FRMD4A: variants seen among roughly 807,000 people sequenced by gnomAD.
FRMD4A encodes FERM domain containing 4A.
Under a neutral mutation model 129.1 loss-of-function variants are expected in FRMD4A, and 29 were observed. The observed-to-expected ratio is 0.22, with a 90% CI of 0.17 to 0.31. FRMD4A has a LOEUF of 0.31. Ranked by LOEUF, FRMD4A falls within the 10% of genes least tolerant of loss-of-function variation. The pLI, the probability that FRMD4A is intolerant of heterozygous loss-of-function variation, is 1.00. For synonymous variants in FRMD4A, 634 were observed against 571.6 expected, an observed-to-expected ratio of 1.11 and a Z score of -1.56; for missense variants, 1,272 against 1,375.8, an observed-to-expected ratio of 0.92 and a Z score of 1.19.
chr10:13,900,651 C>G (rs1277482380), intron 2 of FRMD4A, among the ~76,000 whole-genome samples: 1 of 152,096 alleles, frequency 6.6e-6, no homozygotes, highest in East Asian at 1.9e-4. Flanking sequence ...AATCCCGGGA[C>G]TTTGGGAGGT....
In FRMD4A at chr10:13,894,222, G is replaced by T. The variant is rs186053199; in HGVS notation, c.46-35310C>A. On this transcript the variant is annotated intron_variant, in intron 2 of 24. Transcript: ENST00000357447. Reference sequence around the variant, plus strand: ...ATGTCTCCAGCAGCCCTGTGAATGGGTGCTGATCTTATCTCTCTCAGATGC... The same window carrying T: ...ATGTCTCCAGCAGCCCTGTGAATGGTTGCTGATCTTATCTCTCTCAGATGC... Among the ~76,000 whole-genome samples the T allele has an allele frequency of 3.9e-4, 59 of 152,256 alleles. 1 individual carries two copies. Among genetic ancestry groups the T allele is most frequent in the Admixed American group, 3.6e-3 (55 of 15,290 alleles).
chr10:14,150,690 C>A (rs1031856861), intron 2 of FRMD4A, among the ~76,000 whole-genome samples: 1 of 152,088 alleles, frequency 6.6e-6, no homozygotes, highest in African/African-American at 2.4e-5. Context: ...CATATTTCTC[C>A]CTTCTCTCAC....
At chr10:14,174,558 A>ATTCG (rs761289686) in intron 2 of FRMD4A, among the ~76,000 whole-genome samples, 1 of 151,536 alleles carries the variant, frequency 6.6e-6, no homozygotes, top group Non-Finnish European at 1.5e-5. Flanking sequence ...TCATTCATTC[A>ATTCG]TTCATTCGTT....
intron 2 of FRMD4A, among the ~76,000 whole-genome samples, chr10:14,239,433 C>G (rs1843952463): frequency 6.6e-6 from 1 of 152,150 alleles, no homozygotes; most frequent in African/African-American, 2.4e-5. Context: ...CAAGACCATC[C>G]TGGCTAACAT....
At chr10:14,098,471 T>C (rs962166573) in intron 2 of FRMD4A, among the ~76,000 whole-genome samples, 1 of 152,212 alleles carries the variant, frequency 6.6e-6, no homozygotes, top group East Asian at 1.9e-4. Context: ...TGGCACGATC[T>C]TGGCTCACTG....
Position 14,330,598 on chromosome 10 carries a change from G to C in FRMD4A, c.-83C>G, listed in dbSNP as rs971142459. The C allele has an allele frequency of 2.5e-6, 1 of 399,988 alleles. No homozygotes were observed. The highest frequency in any genetic ancestry group is 4.3e-5 in the Admixed American group (1 of 23,472). 24.8% of individuals were successfully genotyped at this position (399,988 alleles called of 1,614,324 possible). ...AACATGCTGAATGTCACAACATACCGCTCGCAATCTGGTCAGTGTCTTCTT... is the reference window on the plus strand; with the variant it reads ...AACATGCTGAATGTCACAACATACCCCTCGCAATCTGGTCAGTGTCTTCTT... On this transcript the variant is annotated splice_region_variant and 5_prime_UTR_variant, in exon 1 of 25. Transcript: ENST00000357447.
intron 2 of FRMD4A, among the ~76,000 whole-genome samples, chr10:14,054,942 A>C (rs147015015): frequency 6.6e-6 from 1 of 152,318 alleles, no homozygotes; most frequent in South Asian, 2.1e-4. Context: ...TTCCAGCCAC[A>C]TGGAACTGTG....
At chr10:14,199,282 T>TTTTA (rs3034001) in intron 2 of FRMD4A, among the ~76,000 whole-genome samples, 1,681 of 131,012 alleles carry the variant, frequency 0.013, 22 homozygotes, top group African/African-American at 0.035. Context: ...AAGTGTCTTA[T>TTTTA]TTTATTTATT....
chr10:13,712,772 T>G lies in FRMD4A; in HGVS notation c.760-5659A>C, dbSNP rs541482625. Among the ~76,000 whole-genome samples the G allele has an allele frequency of 7.9e-5, 12 of 152,350 alleles. No individual in the cohort carries two copies. In the South Asian group the frequency reaches 2.3e-3, roughly 29 times the overall value. ...TATGAAAACAGGAGGTGGGAAACAC[T>G]TATCCACGGAGTGCAAACAAAAGTG... On this transcript the variant is annotated intron_variant, in intron 12 of 24. Coordinates refer to ENST00000357447, the MANE Select transcript of FRMD4A (RefSeq NM_018027.5).
At chr10:13,769,566 TC>T (rs549179612) in intron 6 of FRMD4A, among the ~76,000 whole-genome samples, 92 of 152,224 alleles carry the variant, frequency 6.0e-4, no homozygotes, top group African/African-American at 2.1e-3. Flanking sequence ...CACCTCGGCC[TC>T]CCAAAGTGCT....
intron 2 of FRMD4A, among the ~76,000 whole-genome samples, chr10:14,023,862 T>G (rs1234279709): frequency 6.6e-6 from 1 of 152,108 alleles, no homozygotes; most frequent in Admixed American, 6.5e-5. Context: ...ACTGAATGCC[T>G]CTCCAAGTAG....
intron 15 of FRMD4A, among the ~76,000 whole-genome samples, chr10:13,680,681 G>A (rs1256184931): frequency 2.0e-5 from 3 of 151,986 alleles, no homozygotes; most frequent in Non-Finnish European, 4.4e-5. Flanking sequence ...AGCTGAGATG[G>A]CGCCACTGCA....
At chr10:13,656,302 T>C (rs918116600) in intron 22 of FRMD4A, among the ~76,000 whole-genome samples, 3 of 152,248 alleles carry the variant, frequency 2.0e-5, no homozygotes, top group Non-Finnish European at 4.4e-5. Flanking sequence ...ACACCTTTGG[T>C]TGGATAAACC....
intron 2 of FRMD4A, among the ~76,000 whole-genome samples, chr10:14,202,140 G>GA (rs67184304): frequency 0.097 from 14,232 of 147,302 alleles, 1,435 homozygotes; most frequent in African/African-American, 0.25. Flanking sequence ...TCCGTCTCAA[G>GA]AAAAAAAAAA....
At chr10:14,279,275 G>A (rs965181533) in intron 2 of FRMD4A, among the ~76,000 whole-genome samples, 5 of 140,790 alleles carry the variant, frequency 3.6e-5, no homozygotes, top group African/African-American at 1.1e-4. Flanking sequence ...TGCAACCTCC[G>A]CCTCCCAGGT....
intron 12 of FRMD4A, among the ~76,000 whole-genome samples, chr10:13,723,810 T>TA (rs1379252093): frequency 6.6e-5 from 10 of 152,222 alleles, no homozygotes; most frequent in African/African-American, 1.9e-4. Flanking sequence ...GAGGGTTCAT[T>TA]AGGGTTACCT....
chr10:14,282,638 C>T (rs1818378970), intron 2 of FRMD4A, among the ~76,000 whole-genome samples: 2 of 152,018 alleles, frequency 1.3e-5, no homozygotes, highest in South Asian at 4.2e-4. Flanking sequence ...GGGGACCCTT[C>T]CAGGATTTAA....
At chr10:13,762,461 G>A (rs1360637197) in intron 7 of FRMD4A, among the ~76,000 whole-genome samples, 163 bp downstream of exon 7, 1 of 152,118 alleles carries the variant, frequency 6.6e-6, no homozygotes, top group African/African-American at 2.4e-5. Context: ...TTATTGCTAT[G>A]GTTTCCGTCA....
rs186443076 is a variant in FRMD4A, at chr10:14,082,190, T to G, written c.46-223278A>C. 1.0e-3 allele frequency among the ~76,000 whole-genome samples: 157 copies of G among 152,144 alleles called. 1 individual carries two copies. The highest frequency in any genetic ancestry group is 3.7e-3 in the African/African-American group (153 of 41,498). On this transcript the variant is annotated intron_variant, in intron 2 of 24. Coordinates refer to ENST00000357447, the MANE Select transcript of FRMD4A (RefSeq NM_018027.5). Reference sequence around the variant, plus strand: ...TGAACCTGGGAGGCAGAGGTTGCAGTGAGCCGAGATTGCACCACTGCACTC... The same window carrying G: ...TGAACCTGGGAGGCAGAGGTTGCAGGGAGCCGAGATTGCACCACTGCACTC...
Sources: allele counts gnomAD v4.1 joint callset (sites outside exome capture counted in the v4.1 genomes callset), GRCh38; gene constraint gnomAD v4.1.1; transcripts MANE v1.5; gene names NCBI Gene and HGNC (gene_info 2026-07-23, HGNC 2026-07-21).